Variants in TIPRL observed in about 807,000 individuals in gnomAD.
TIPRL encodes TIP41-like protein.
Under a neutral mutation model 32.3 loss-of-function variants are expected in TIPRL, and 10 were observed. The ratio of observed to expected loss-of-function variants is 0.31; its 90% CI spans 0.19 to 0.52. The LOEUF is 0.52. TIPRL is among the 20% of genes least tolerant of loss of function. The probability of loss-of-function intolerance (pLI) is 0.96; values close to 1 mark genes in which losing one functional copy is unlikely to be tolerated. For missense variants in TIPRL, 250 were observed against 328.1 expected, an observed-to-expected ratio of 0.76 and a Z score of 1.84; for synonymous variants, 100 against 114.0, an observed-to-expected ratio of 0.88 and a Z score of 0.78.
chr1:168,188,193 G>C (rs1700051583), intron 3 of TIPRL, among the ~76,000 whole-genome samples: 1 of 152,112 alleles, frequency 6.6e-6, no homozygotes, highest in Non-Finnish European at 1.5e-5. Context: ...TATTTCAGTT[G>C]GTTCTGGGTT....
intron 1 of TIPRL, among the ~76,000 whole-genome samples, chr1:168,181,871 GAC>G (rs1243490598): frequency 1.3e-5 from 2 of 151,480 alleles, no homozygotes; most frequent in Non-Finnish European, 2.9e-5. Context: ...GACCTGCCTG[GAC>G]AACATGGTGT....
intron 3 of TIPRL, among the ~76,000 whole-genome samples, 158 bp from the exon 4 acceptor site, chr1:168,191,211 T>C (rs949832727): frequency 2.0e-5 from 3 of 152,218 alleles, no homozygotes; most frequent in Non-Finnish European, 4.4e-5. Flanking sequence ...CATATTCTGA[T>C]CTTTTATATC....
rs1168426260 is a variant in TIPRL at position 168,201,807 on chromosome 1, A to G, written c.*1761A>G. On this transcript the variant is annotated 3_prime_UTR_variant, in exon 7 of 7. Coordinates refer to ENST00000367833, the MANE Select transcript of TIPRL (RefSeq NM_152902.5). ...TGTGTGTGTGTGTGTGTGTGTGTGT[A>G]TACAGACATTTTTTTTTTAACTTGT... The G allele has an allele frequency of 3.0e-5, 4 of 131,448 alleles. No homozygotes were observed. The highest frequency in any genetic ancestry group is 8.9e-5 in the African/African-American group (3 of 33,762). 8.1% of individuals were successfully genotyped at this position (131,448 alleles called of 1,614,324 possible).
chr1:168,185,398 G>A (rs1388337292), intron 3 of TIPRL, among the ~76,000 whole-genome samples: 2 of 152,162 alleles, frequency 1.3e-5, no homozygotes, highest in Non-Finnish European at 2.9e-5. Flanking sequence ...GAGTTTTGAT[G>A]TGAAATAATT....
At position 168,200,134 on chromosome 1, in the gene TIPRL, C is replaced by A; in HGVS notation, c.*88C>A. 2 of 1,420,154 alleles carry A rather than the reference C, an allele frequency of 1.4e-6. No homozygotes were observed. The highest frequency in any genetic ancestry group is 2.4e-5 in the East Asian group (1 of 41,498). 88.0% of individuals were successfully genotyped at this position (1,420,154 alleles called of 1,614,324 possible). ...TTATTTTTATTATGAGAATTAATTG[C>A]CTTGTTTATGTACAGATTTTCTGTA... On this transcript the variant is annotated 3_prime_UTR_variant, in exon 7 of 7. Transcript: ENST00000367833.
At chr1:168,181,864 C>T (rs1231844621) in intron 1 of TIPRL, among the ~76,000 whole-genome samples, 3 of 151,258 alleles carry the variant, frequency 2.0e-5, no homozygotes, top group Non-Finnish European at 4.4e-5. Context: ...AGTTCAAGAC[C>T]TGCCTGGACA....
In TIPRL at chr1:168,199,063, C is replaced by G. The variant is rs1700184443; in HGVS notation, c.675+82C>G. On this transcript the variant is annotated intron_variant, in intron 6 of 6. Coordinates refer to ENST00000367833, the MANE Select transcript of TIPRL (RefSeq NM_152902.5). ...AGTAGCATATACCCCTGACCCCAAC[C>G]ACCCAAGTTTACATCCCTAAACCCA... 2.8e-6 allele frequency: 3 copies of G among 1,071,362 alleles called. No individual in the cohort carries two copies. The Admixed American group carries it at 6.3e-5, about 22-fold the overall frequency. The allele number at this position is 1,071,362 out of a possible 1,614,324, so 66.4% of individuals were successfully genotyped here. A position where few individuals can be genotyped will look rare whatever the true frequency, so the allele number is the denominator to read the frequency against.
rs1700191555 is a variant in TIPRL at position 168,199,898 on chromosome 1, C to T, written c.676-5C>T. On this transcript the variant is annotated splice_polypyrimidine_tract_variant and splice_region_variant and intron_variant, in intron 6 of 6. Transcript: ENST00000367833. The stretch of plus-strand genomic sequence containing the variant: ...ATATGCTAATATGATTTATGTATTT[C>T]CTAGCATGTTCCACCTTCCCTCTTC... 6.2e-7 allele frequency: 1 copy of T among 1,610,448 alleles called. No homozygotes were observed.
rs1700212520 is a variant in TIPRL, at chr1:168,201,898, T to C, written c.*1852T>C. The C allele has an allele frequency of 7.4e-6, 1 of 135,276 alleles. No individual in the cohort carries two copies. Among genetic ancestry groups the C allele is most frequent in the Admixed American group, 8.0e-5 (1 of 12,492 alleles). 8.4% of individuals were successfully genotyped at this position (135,276 alleles called of 1,614,324 possible). Reference sequence around the variant, plus strand: ...TATTTTGAGAATTCATTGTTAAAAATTACAGGGAATTAAAATAATTGCCTT... The same window carrying C: ...TATTTTGAGAATTCATTGTTAAAAACTACAGGGAATTAAAATAATTGCCTT... On this transcript the variant is annotated 3_prime_UTR_variant, in exon 7 of 7. Transcript: ENST00000367833.
In TIPRL at chr1:168,199,943, C is replaced by T. The variant is rs779054395; in HGVS notation, c.716C>T (p.Ser239Phe). ...CTCTTCACGGAACCTAATGAAATATCCCAGTATTTACCAATAAAGGAAGCA... is the reference window on the plus strand; with the variant it reads ...CTCTTCACGGAACCTAATGAAATATTCCAGTATTTACCAATAAAGGAAGCA... ...PSLFTEPNEISQYLPIKEAVC... is the reference protein window; with the variant it reads ...PSLFTEPNEIFQYLPIKEAVC... Residue 239 changes from serine to phenylalanine, a missense_variant, in exon 7 of 7, where the codon TCC (serine) becomes TTC (phenylalanine). Ser to Phe is a radical substitution (Grantham distance 155, BLOSUM62 -2). Transcript: ENST00000367833. The T allele has an allele frequency of 6.2e-7, 1 of 1,613,388 alleles. No individual in the cohort carries two copies. The highest frequency in any genetic ancestry group is 1.1e-5 in the South Asian group (1 of 91,044).
intron 4 of TIPRL, among the ~76,000 whole-genome samples, chr1:168,192,885 A>AAAAC (rs34841229): frequency 0.41 from 61,523 of 151,372 alleles, 13,871 homozygotes; most frequent in African/African-American, 0.58. Flanking sequence ...ACTCCGTCTC[A>AAAAC]AAACAAACAA....
intron 5 of TIPRL, among the ~76,000 whole-genome samples, chr1:168,197,197 C>T (rs1193173179): frequency 6.6e-6 from 1 of 151,782 alleles, no homozygotes; most frequent in African/African-American, 2.4e-5. Flanking sequence ...GACTTGTAGT[C>T]CTAGCTGCTA....
chr1:168,199,195 AT>A (rs2102314445), intron 6 of TIPRL, among the ~76,000 whole-genome samples: 2 of 152,280 alleles, frequency 1.3e-5, no homozygotes, highest in South Asian at 4.1e-4. Context: ...CTTAAGCCTC[AT>A]CTAATCTAAT....
chr1:168,189,432 G>C (rs2102309355), intron 3 of TIPRL, among the ~76,000 whole-genome samples: 1 of 152,194 alleles, frequency 6.6e-6, no homozygotes, highest in Non-Finnish European at 1.5e-5. Context: ...TGCAACCTCT[G>C]CCCCGCGGGT....
intron 4 of TIPRL, chr1:168,192,188 A>G: frequency 3.4e-6 from 5 of 1,492,500 alleles, no homozygotes; most frequent in Non-Finnish European, 4.5e-6. Context: ...GCATCATTCA[A>G]CTACCACTTC....
chr1:168,198,225 G>A (rs1160770818), intron 5 of TIPRL, among the ~76,000 whole-genome samples: 2 of 152,052 alleles, frequency 1.3e-5, no homozygotes, highest in African/African-American at 2.4e-5. Flanking sequence ...TGTGATCACT[G>A]ATGATTTATA....
chr1:168,180,531 A>T (rs1257991141), intron 1 of TIPRL, among the ~76,000 whole-genome samples: 1 of 152,178 alleles, frequency 6.6e-6, no homozygotes, highest in African/African-American at 2.4e-5. Context: ...GGAATGAATT[A>T]AGGTATCTAG....
chr1:168,179,637 GACAA>G (rs1699936725), intron 1 of TIPRL, among the ~76,000 whole-genome samples: 1 of 140,284 alleles, frequency 7.1e-6, no homozygotes. Flanking sequence ...GAGAGAGACA[GACAA>G]TTATATTACA....
rs1329404573 is a variant in TIPRL at position 168,198,810 on chromosome 1, A to C, written c.613-109A>C. The C allele has an allele frequency of 5.7e-6, 5 of 871,686 alleles. No individual in the cohort carries two copies. The Admixed American group carries it at 9.9e-5, about 17-fold the overall frequency. 54.0% of individuals were successfully genotyped at this position (871,686 alleles called of 1,614,324 possible). A position where few individuals can be genotyped will look rare whatever the true frequency, so the allele number is the denominator to read the frequency against. On this transcript the variant is annotated intron_variant, in intron 5 of 6. Coordinates refer to ENST00000367833, the MANE Select transcript of TIPRL (RefSeq NM_152902.5). Reference sequence around the variant, plus strand: ...GAACAAGATGTTCTCTTTAGACTGCATGCTGTTTTGACAACCTATCCTAAA... The same window carrying C: ...GAACAAGATGTTCTCTTTAGACTGCCTGCTGTTTTGACAACCTATCCTAAA...
Sources: allele counts gnomAD v4.1 joint callset (sites outside exome capture counted in the v4.1 genomes callset), GRCh38; gene constraint gnomAD v4.1.1; transcripts MANE v1.5; gene names NCBI Gene and HGNC (gene_info 2026-07-23, HGNC 2026-07-21).